MALT1: variants seen among roughly 807,000 people sequenced by gnomAD.
MALT1 encodes the protein MALT1 paracaspase, also known as mucosa-associated lymphoid tissue lymphoma translocation protein 1.
MALT1 carries 36 observed loss-of-function variants against 85.5 expected under a neutral mutation model. The observed-to-expected ratio is 0.42, with a 90% CI of 0.32 to 0.56. The LOEUF is 0.56. MALT1 is among the 20% of genes least tolerant of loss of function. The probability of loss-of-function intolerance (pLI) is 0.10; values close to 1 mark genes in which losing one functional copy is unlikely to be tolerated. For missense variants in MALT1, 716 were observed against 981.6 expected, an observed-to-expected ratio of 0.73 and a Z score of 3.62; for synonymous variants, 359 against 361.3, an observed-to-expected ratio of 0.99 and a Z score of 0.07.
In MALT1 at chr18:58,710,088, CCA is replaced by C. The variant is rs2054811335; in HGVS notation, c.925+17_925+18del. The C allele has an allele frequency of 6.6e-7, 1 of 1,517,406 alleles. No individual in the cohort carries two copies. Among genetic ancestry groups the C allele is most frequent in the Non-Finnish European group, 9.1e-7 (1 of 1,094,558 alleles). The allele number at this position is 1,517,406 out of a possible 1,614,324, so 94.0% of individuals were successfully genotyped here. On this transcript the variant is annotated intron_variant, in intron 6 of 16. Coordinates refer to ENST00000649217, the MANE Select transcript of MALT1 (RefSeq NM_006785.4). ...ATCATCATAGGTAAGAAGTATTTCC[CCA>C]GTGTTCTGACAAGTGGACTATAATA... is the stretch of plus-strand genomic sequence containing the variant.
At chr18:58,728,964 C>CT (rs150537923) in intron 10 of MALT1, among the ~76,000 whole-genome samples, 109 of 152,270 alleles carry the variant, frequency 7.2e-4, no homozygotes, top group African/African-American at 2.5e-3. Flanking sequence ...TGTCAGTCGT[C>CT]TCTGAGTAAT....
At chr18:58,727,614 G>GTTTTTTTTTTTTT (rs1602327763) in intron 10 of MALT1, among the ~76,000 whole-genome samples, 4 of 110,512 alleles carry the variant, frequency 3.6e-5, no homozygotes, top group African/African-American at 1.8e-4. Flanking sequence ...AAGGTTTTTT[G>GTTTTTTTTTTTTT]TGTTTTTTTT....
intron 9 of MALT1, among the ~76,000 whole-genome samples, chr18:58,720,780 G>A (rs1053361671): frequency 1.3e-5 from 2 of 152,100 alleles, no homozygotes; most frequent in Non-Finnish European, 2.9e-5. Flanking sequence ...TCTATGATGT[G>A]TATAATTAAA....
At chr18:58,690,673 A>G in intron 2 of MALT1, 1 of 183,348 alleles carries the variant, frequency 5.5e-6, no homozygotes, top group Non-Finnish European at 1.2e-5. Flanking sequence ...TCTGCTGCTC[A>G]AGCTCCATTC....
intron 2 of MALT1, among the ~76,000 whole-genome samples, chr18:58,681,823 T>G (rs1015417986): frequency 6.6e-6 from 1 of 152,222 alleles, no homozygotes; most frequent in African/African-American, 2.4e-5. Context: ...AACTCAACCT[T>G]GTACTCTTAT....
chr18:58,698,075 GT>G (rs1315560558), intron 3 of MALT1, among the ~76,000 whole-genome samples: 4 of 92,854 alleles, frequency 4.3e-5, no homozygotes, highest in East Asian at 6.1e-4. Context: ...TTGTTTTTTT[GT>G]TTTTTTTTTG....
chr18:58,744,269 C>T (rs1233741775), intron 14 of MALT1, 69 bp from the exon 15 acceptor site: 3 of 996,728 alleles, frequency 3.0e-6, no homozygotes, highest in Non-Finnish European at 4.5e-6. Flanking sequence ...TAACTATATT[C>T]TCCTCCATAA....
chr18:58,684,024 G>A lies in MALT1; in HGVS notation c.376+2688G>A, dbSNP rs181015987. Among the ~76,000 whole-genome samples, 479 of 152,122 alleles carry A rather than the reference G, an allele frequency of 3.1e-3. 3 individuals carry two copies. Among genetic ancestry groups the A allele is most frequent in the African/African-American group, 0.01 (425 of 41,500 alleles). The stretch of plus-strand genomic sequence containing the variant: ...TCGGCTCACTGCAACTTCTGCCTCC[G>A]GAGCCTCAAGCAATCCTCCCGCCTC... On this transcript the variant is annotated intron_variant, in intron 2 of 16. Transcript: ENST00000649217.
intron 15 of MALT1, among the ~76,000 whole-genome samples, chr18:58,745,435 T>C (rs1353802917): frequency 6.6e-6 from 1 of 152,166 alleles, no homozygotes; most frequent in African/African-American, 2.4e-5. Flanking sequence ...AGGAAGCTCT[T>C]TCAGAGCTCA....
intron 10 of MALT1, among the ~76,000 whole-genome samples, chr18:58,727,617 T>G (rs111818083): frequency 0.22 from 26,376 of 120,176 alleles, 2,486 homozygotes; most frequent in African/African-American, 0.27. Flanking sequence ...GTTTTTTGTG[T>G]TTTTTTTTTT....
At chr18:58,730,637 G>T (rs897014730) in intron 10 of MALT1, among the ~76,000 whole-genome samples, 1 of 152,110 alleles carries the variant, frequency 6.6e-6, no homozygotes, top group Admixed American at 6.6e-5. Flanking sequence ...TTTCTCTTCG[G>T]TATGTACCTG....
intron 2 of MALT1, chr18:58,690,967 T>G (rs2054489710): frequency 7.1e-6 from 2 of 282,632 alleles, no homozygotes; most frequent in Admixed American, 4.2e-5. Flanking sequence ...TAAAGTTGTG[T>G]AAGTCTCAGA....
chr18:58,729,157 A>G (rs965964943), intron 10 of MALT1, among the ~76,000 whole-genome samples: 1 of 152,176 alleles, frequency 6.6e-6, no homozygotes, highest in African/African-American at 2.4e-5. Flanking sequence ...TGAGAGAAAT[A>G]ATAGTGAATA....
chr18:58,739,578 C>T (rs1602340226), intron 13 of MALT1, among the ~76,000 whole-genome samples: 2 of 152,170 alleles, frequency 1.3e-5, no homozygotes, highest in South Asian at 4.1e-4. Flanking sequence ...GTAGATTGCT[C>T]TCCATAATGT....
In MALT1 at chr18:58,733,202, T is replaced by C. The variant is rs2055176757; in HGVS notation, c.1223-195T>C. ...CTGGGATTATAGGTGTGAGCCGTCA[T>C]GCCTGGCCTGTTGCCAATAATTTTA... On this transcript the variant is annotated intron_variant, in intron 10 of 16. Transcript: ENST00000649217. 1.3e-5 allele frequency among the ~76,000 whole-genome samples: 2 copies of C among 152,224 alleles called. 1 individual carries two copies. Among genetic ancestry groups the C allele is most frequent in the South Asian group, 4.1e-4 (2 of 4,834 alleles).
At chr18:58,703,146 C>T (rs746023332) in intron 4 of MALT1, among the ~76,000 whole-genome samples, 8 of 152,054 alleles carry the variant, frequency 5.3e-5, no homozygotes, top group Non-Finnish European at 1.0e-4. Context: ...ATCACGAGGT[C>T]GGGAGTTTGA....
intron 9 of MALT1, among the ~76,000 whole-genome samples, chr18:58,720,020 T>C (rs1419636502): frequency 6.6e-6 from 1 of 152,246 alleles, no homozygotes; most frequent in Non-Finnish European, 1.5e-5. Flanking sequence ...ACACCAGTTT[T>C]TGAAGAATAT....
rs934644661 is a variant in MALT1 at position 58,752,984 on chromosome 18, A to G, written c.*5142A>G. On this transcript the variant is annotated 3_prime_UTR_variant, in exon 17 of 17. Coordinates refer to ENST00000649217, the MANE Select transcript of MALT1 (RefSeq NM_006785.4). Reference sequence around the variant, plus strand: ...CTAATAGCGTGGCTCAAAGAGCGTTAACTTGCCTGTGCTTCTGTTTCCTTA... The same window carrying G: ...CTAATAGCGTGGCTCAAAGAGCGTTGACTTGCCTGTGCTTCTGTTTCCTTA... 1 of 151,348 alleles carries G rather than the reference A, an allele frequency of 6.6e-6. No individual in the cohort carries two copies. Among genetic ancestry groups the G allele is most frequent in the Non-Finnish European group, 1.5e-5 (1 of 68,012 alleles). 9.4% of individuals were successfully genotyped at this position (151,348 alleles called of 1,614,324 possible).
At chr18:58,714,001 C>CAA (rs2054867239) in intron 7 of MALT1, 82 bp from the exon 8 acceptor site, 1 of 699,760 alleles carries the variant, frequency 1.4e-6, no homozygotes, top group Non-Finnish European at 2.5e-6. Flanking sequence ...TTCACTGGCT[C>CAA]AAAACTACTT....
Sources: gnomAD v4.1 joint callset for allele counts (sites outside exome capture counted in the v4.1 genomes callset) on GRCh38, gnomAD v4.1.1 for gene constraint, MANE v1.5 for transcripts, NCBI Gene and HGNC (gene_info 2026-07-23, HGNC 2026-07-21) for gene names.